GAB2: variants seen among roughly 807,000 people sequenced by gnomAD.
GAB2 encodes the protein GRB2-associated-binding protein 2.
Under a neutral mutation model 65.5 loss-of-function variants are expected in GAB2, and 26 were observed. The observed-to-expected ratio is 0.40, with a 90% CI of 0.29 to 0.55. GAB2 has a LOEUF of 0.55. GAB2 is among the 20% of genes least tolerant of loss of function. The probability of loss-of-function intolerance (pLI) is 0.53; values close to 1 mark genes in which losing one functional copy is unlikely to be tolerated. For missense variants in GAB2, 884 were observed against 875.8 expected (o/e 1.01, Z -0.12); for synonymous variants, 321 against 329.6 (o/e 0.97, Z 0.28).
At chr11:78,369,008 T>C (rs1470355704) in intron 1 of GAB2, among the ~76,000 whole-genome samples, 1 of 151,918 alleles carries the variant, frequency 6.6e-6, no homozygotes, top group African/African-American at 2.4e-5. Context: ...CATGGTGGCA[T>C]GTGCCTGTAG....
chr11:78,225,341 C>T lies in GAB2; in HGVS notation c.1208-139G>A. 3 of 609,248 alleles carry T rather than the reference C, an allele frequency of 4.9e-6. No individual in the cohort carries two copies. In the South Asian group the frequency reaches 5.8e-5, roughly 12 times the overall value. The allele number at this position is 609,248 out of a possible 1,614,324, so 37.7% of individuals were successfully genotyped here. ...CTCAACCCCAAATGATAAGGAATTT[C>T]TTCGAACACATCACTCCTCAGTTCA... On this transcript the variant is annotated intron_variant, in intron 4 of 9. Coordinates refer to ENST00000361507, the MANE Select transcript of GAB2 (RefSeq NM_080491.3).
intron 1 of GAB2, among the ~76,000 whole-genome samples, chr11:78,408,534 T>G (rs1018077968): frequency 5.9e-5 from 9 of 152,210 alleles, no homozygotes; most frequent in African/African-American, 2.2e-4. Flanking sequence ...TCTAGCATAT[T>G]AGAAATTATA....
At chr11:78,371,808 C>A (rs138155998) in intron 1 of GAB2, among the ~76,000 whole-genome samples, 1 of 152,202 alleles carries the variant, frequency 6.6e-6, no homozygotes, top group African/African-American at 2.4e-5. Flanking sequence ...GACAGCTGTA[C>A]CGGCCAGAAA....
chr11:78,401,755 T>A (rs1229638843), intron 1 of GAB2, among the ~76,000 whole-genome samples: 1 of 152,180 alleles, frequency 6.6e-6, no homozygotes. Context: ...TATTCAATTA[T>A]CTGTTGGTGG....
At chr11:78,407,766 A>AAGAG (rs1231851022) in intron 1 of GAB2, among the ~76,000 whole-genome samples, 1 of 151,702 alleles carries the variant, frequency 6.6e-6, no homozygotes, top group African/African-American at 2.4e-5. Context: ...GAAAGAAAGA[A>AAGAG]AGAGAGAGAA....
intron 1 of GAB2, among the ~76,000 whole-genome samples, chr11:78,346,729 T>C (rs1856196923): frequency 7.8e-6 from 1 of 127,914 alleles, no homozygotes; most frequent in African/African-American, 2.9e-5. Context: ...ATAATTTTTT[T>C]TTTTTTTAGG....
rs11822852 is a variant in GAB2 at position 78,231,237 on chromosome 11, G to C, written c.621-4186C>G. ...TATTCCCTCAAGCCAGCAGTGCCAA[G>C]TGCCTTCCCTTTCCATTCCTGGCCA... On this transcript the variant is annotated intron_variant, in intron 3 of 9. Coordinates refer to ENST00000361507, the MANE Select transcript of GAB2 (RefSeq NM_080491.3). 6.7e-3 allele frequency among the ~76,000 whole-genome samples: 1,022 copies of C among 152,302 alleles called. 9 individuals carry two copies. The highest frequency in any genetic ancestry group is 0.023 in the African/African-American group (974 of 41,542).
intron 1 of GAB2, among the ~76,000 whole-genome samples, chr11:78,387,386 T>C (rs1253708287): frequency 2.6e-5 from 4 of 152,198 alleles, no homozygotes; most frequent in African/African-American, 9.7e-5. Context: ...GGTACGATGT[T>C]CTTGCTCTTC....
chr11:78,227,012 G>A lies in GAB2; in HGVS notation c.660C>T (p.Leu220=), dbSNP rs767730819. The part of the protein sequence containing the change: ...SFSQGTRASF[L]MRSDTAVQKL... ...TTTGTACAGCTGTGTCACTCCTCAT[G>A]AGAAAAGAGGCTCTGGTGCCCTGAG... is the stretch of plus-strand genomic sequence containing the variant. The change falls in exon 4 of 10, where the codon CTC becomes CTT. Residue 220 remains leucine (L), a synonymous_variant. Transcript: ENST00000361507. 34 of 1,612,884 alleles carry A rather than the reference G, an allele frequency of 2.1e-5. No homozygotes were observed. Among genetic ancestry groups the A allele is most frequent in the Non-Finnish European group, 1.1e-5 (13 of 1,179,710 alleles).
rs754092643 is a variant in GAB2, at chr11:78,219,172, AGAG to A, written c.*97_*99del. 129 of 1,115,556 alleles carry A rather than the reference AGAG, an allele frequency of 1.2e-4. 1 individual carries two copies. The highest frequency in any genetic ancestry group is 1.6e-4 in the Non-Finnish European group (125 of 759,266). 69.1% of individuals were successfully genotyped at this position (1,115,556 alleles called of 1,614,324 possible). A position where few individuals can be genotyped will look rare whatever the true frequency, so the allele number is the denominator to read the frequency against. On this transcript the variant is annotated 3_prime_UTR_variant, in exon 10 of 10. Coordinates refer to ENST00000361507, the MANE Select transcript of GAB2 (RefSeq NM_080491.3). ...TTGAAGGCTGAGACTGGCAGAGTAGAGAGGAGGTGGATGGGAGGAAGAACGGGA... is the reference window on the plus strand; with the variant it reads ...TTGAAGGCTGAGACTGGCAGAGTAGAGAGGTGGATGGGAGGAAGAACGGGA...
chr11:78,304,873 A>C (rs1855324009), intron 1 of GAB2, among the ~76,000 whole-genome samples: 1 of 152,142 alleles, frequency 6.6e-6, no homozygotes, highest in Non-Finnish European at 1.5e-5. Flanking sequence ...CTCCATGCCT[A>C]TTTCTCAGCC....
rs568278213 is a variant in GAB2, at chr11:78,216,249, T to G, written c.*3023A>C. The stretch of plus-strand genomic sequence containing the variant: ...AACCTTGCAGAAGTGGAGCTGGAAG[T>G]GGGTGAAGAAGGCTCCTTGGAGAGC... On this transcript the variant is annotated 3_prime_UTR_variant, in exon 10 of 10. Transcript: ENST00000361507. The G allele has an allele frequency of 3.3e-5, 5 of 152,372 alleles. No homozygotes were observed. The East Asian group carries it at 9.7e-4, about 29-fold the overall frequency. The allele number at this position is 152,372 out of a possible 1,614,324, so 9.4% of individuals were successfully genotyped here. A position where few individuals can be genotyped will look rare whatever the true frequency, so the allele number is the denominator to read the frequency against.
At chr11:78,244,548 A>G (rs1420784724) in intron 3 of GAB2, among the ~76,000 whole-genome samples, 1 of 151,592 alleles carries the variant, frequency 6.6e-6, no homozygotes, top group Non-Finnish European at 1.5e-5. Flanking sequence ...TATCCAGCAT[A>G]TACAAGGAAC....
In GAB2 at chr11:78,218,358, T is replaced by A. The variant is rs1195488759; in HGVS notation, c.*914A>T. The A allele has an allele frequency of 1.3e-5, 2 of 152,896 alleles. No homozygotes were observed. Among genetic ancestry groups the A allele is most frequent in the African/African-American group, 4.8e-5 (2 of 41,452 alleles). The allele number at this position is 152,896 out of a possible 1,614,324, so 9.5% of individuals were successfully genotyped here. On this transcript the variant is annotated 3_prime_UTR_variant, in exon 10 of 10. Transcript: ENST00000361507. ...TGCCCCATGTGCTTGGTCGCCCAGC[T>A]TGGTCCAAGCCTTCCCCTGTATGCT... is the stretch of plus-strand genomic sequence containing the variant.
intron 1 of GAB2, among the ~76,000 whole-genome samples, chr11:78,372,298 T>A (rs1856582440): frequency 1.3e-5 from 2 of 152,148 alleles, no homozygotes; most frequent in African/African-American, 4.8e-5. Context: ...TGCTGAGAGA[T>A]GAAGAGTTTC....
At chr11:78,239,098 G>GA (rs773430415) in intron 3 of GAB2, among the ~76,000 whole-genome samples, 1,773 of 133,078 alleles carry the variant, frequency 0.013, 27 homozygotes, top group African/African-American at 0.036. Context: ...TTTCTATTAA[G>GA]AAAAAAAAAA....
intron 1 of GAB2, among the ~76,000 whole-genome samples, chr11:78,295,434 T>C (rs1185994164): frequency 1.3e-5 from 2 of 152,186 alleles, no homozygotes; most frequent in Non-Finnish European, 2.9e-5. Context: ...TTTCCTTCAC[T>C]TTCAATGTCT....
chr11:78,333,317 G>A (rs1204670007), intron 1 of GAB2, among the ~76,000 whole-genome samples: 2 of 152,082 alleles, frequency 1.3e-5, no homozygotes, highest in African/African-American at 4.8e-5. Context: ...TCAGGCTGGA[G>A]GGCAGTGGTG....
chr11:78,367,754 T>TGA (rs1856514967), intron 1 of GAB2, among the ~76,000 whole-genome samples: 1 of 151,774 alleles, frequency 6.6e-6, no homozygotes, highest in African/African-American at 2.4e-5. Context: ...ATTAAGGAGG[T>TGA]GAGAGCATTT....
Sources: gnomAD v4.1 joint callset for allele counts (sites outside exome capture counted in the v4.1 genomes callset) on GRCh38, gnomAD v4.1.1 for gene constraint, MANE v1.5 for transcripts, NCBI Gene and HGNC (gene_info 2026-07-23, HGNC 2026-07-21) for gene names.